SLIT1: variants seen among roughly 807,000 people sequenced by gnomAD.
SLIT1 encodes slit guidance ligand 1, also known as slit homolog 1 protein.
In SLIT1, 66 loss-of-function variants were observed where a neutral mutation model predicts 186.1. The ratio of observed to expected loss-of-function variants is 0.35; its 90% CI spans 0.29 to 0.44. The LOEUF (loss-of-function observed/expected upper bound fraction) is 0.44, where lower values mean the gene tolerates loss of function less well. SLIT1 is among the 20% of genes least tolerant of loss of function. SLIT1 has a pLI of 1.00. For missense variants in SLIT1, 1,638 were observed against 2,037.4 expected (o/e 0.80, Z 3.77); for synonymous variants, 761 against 833.8 (o/e 0.91, Z 1.50).
At position 97,000,171 on chromosome 10, in the gene SLIT1, A is replaced by C. The variant is rs1019006425; in HGVS notation, c.*941T>G. 3 of 152,222 alleles carry C rather than the reference A, an allele frequency of 2.0e-5. No homozygotes were observed. Among genetic ancestry groups the C allele is most frequent in the Non-Finnish European group, 4.4e-5 (3 of 68,126 alleles). 9.4% of individuals were successfully genotyped at this position (152,222 alleles called of 1,614,324 possible). A position where few individuals can be genotyped will look rare whatever the true frequency, so the allele number is the denominator to read the frequency against. On this transcript the variant is annotated 3_prime_UTR_variant, in exon 37 of 37. Coordinates refer to ENST00000266058, the MANE Select transcript of SLIT1 (RefSeq NM_003061.3). ...TGGCCTGCGGTGTGAAGGACTCTGA[A>C]CCAGCTGCTCCCAGGTCAAGCACCC... is the stretch of plus-strand genomic sequence containing the variant.
At chr10:97,087,791 G>T (rs1268916318) in intron 4 of SLIT1, among the ~76,000 whole-genome samples, 1 of 152,054 alleles carries the variant, frequency 6.6e-6, no homozygotes, top group African/African-American at 2.4e-5. Flanking sequence ...CTGGGCGCTG[G>T]GGGGATGGAG....
At chr10:97,107,732 AC>A (rs1259320822) in intron 4 of SLIT1, among the ~76,000 whole-genome samples, 3 of 151,958 alleles carry the variant, frequency 2.0e-5, no homozygotes, top group Admixed American at 1.3e-4. Flanking sequence ...ACCCTGCCCC[AC>A]CCCCACGTGC....
intron 1 of SLIT1, among the ~76,000 whole-genome samples, chr10:97,182,037 A>T (rs1850345497): frequency 6.6e-6 from 1 of 152,180 alleles, no homozygotes; most frequent in African/African-American, 2.4e-5. Context: ...CAAAGAAAGG[A>T]AGCTTCCCGG....
chr10:97,164,833 C>T lies in SLIT1; in HGVS notation c.255G>A (p.Lys85=), dbSNP rs767160243. Residue 85 remains lysine (K), a synonymous_variant, in exon 2 of 37, where the codon AAG becomes AAA. Coordinates refer to ENST00000266058, the MANE Select transcript of SLIT1 (RefSeq NM_003061.3). The part of the protein sequence containing the change: ...RIHKNDFAGL[K]QLRVLQLMEN... ...CCCATACTCACAGCACCCGCAGCTG[C>T]TTGAGCCCCGCAAAGTCATTCTTAT... is the stretch of plus-strand genomic sequence containing the variant. 42 of 1,613,376 alleles carry T rather than the reference C, an allele frequency of 2.6e-5. No homozygotes were observed. The South Asian group carries it at 4.6e-4, about 18-fold the overall frequency.
At chr10:97,037,078 GTGTGTGTGTGTGTGTGTGTGTA>G (rs1848646396) in intron 22 of SLIT1, among the ~76,000 whole-genome samples, 4 of 150,104 alleles carry the variant, frequency 2.7e-5, no homozygotes, top group Admixed American at 6.6e-5. Flanking sequence ...GTGTGTGTGT[GTGTGTGTGTGTGTGTGTGTGTA>G]TGTGTGTGTG....
intron 4 of SLIT1, chr10:97,157,558 G>T: frequency 3.9e-6 from 2 of 516,518 alleles, no homozygotes; most frequent in Non-Finnish European, 6.9e-6. Context: ...GAACACCCTT[G>T]TACCCACACT....
At chr10:97,011,699 T>C (rs978099109) in intron 30 of SLIT1, among the ~76,000 whole-genome samples, 1 of 152,142 alleles carries the variant, frequency 6.6e-6, no homozygotes, top group African/African-American at 2.4e-5. Flanking sequence ...GGCTCCTGTC[T>C]GCCTATCAAA....
intron 1 of SLIT1, among the ~76,000 whole-genome samples, chr10:97,177,705 G>C (rs1429692072): frequency 6.6e-6 from 1 of 152,328 alleles, no homozygotes; most frequent in Non-Finnish European, 1.5e-5. Flanking sequence ...GCCGGGCGCG[G>C]TGGCTCACGC....
chr10:97,182,314 C>T (rs1158958579), intron 1 of SLIT1, among the ~76,000 whole-genome samples: 1 of 152,180 alleles, frequency 6.6e-6, no homozygotes, highest in Non-Finnish European at 1.5e-5. Context: ...CGCAGGCTGC[C>T]GCAGAAACTG....
At chr10:97,147,318 AT>A (rs1183373415) in intron 4 of SLIT1, among the ~76,000 whole-genome samples, 2 of 152,198 alleles carry the variant, frequency 1.3e-5, no homozygotes, top group African/African-American at 4.8e-5. Flanking sequence ...TATATTGGGG[AT>A]GTTGAAAACA....
At chr10:97,098,549 C>T (rs963174921) in intron 4 of SLIT1, among the ~76,000 whole-genome samples, 1 of 152,152 alleles carries the variant, frequency 6.6e-6, no homozygotes, top group Non-Finnish European at 1.5e-5. Context: ...CCTGGTGGTC[C>T]AAGTGGTGTG....
chr10:97,105,883 G>A (rs1039579597), intron 4 of SLIT1, among the ~76,000 whole-genome samples: 7 of 152,220 alleles, frequency 4.6e-5, no homozygotes, highest in Non-Finnish European at 7.3e-5. Flanking sequence ...AATCTGGTCC[G>A]GAGGCCTCCG....
At chr10:97,119,913 G>GTGTGTATATATATATATATATATA (rs1241836707) in intron 4 of SLIT1, among the ~76,000 whole-genome samples, 1 of 56,510 alleles carries the variant, frequency 1.8e-5, no homozygotes, top group Admixed American at 2.7e-4. Flanking sequence ...TTCCAAAGGG[G>GTGTGTATATATATATATATATATA]TATATATATA....
intron 4 of SLIT1, among the ~76,000 whole-genome samples, chr10:97,113,757 G>C (rs554840141): frequency 6.6e-6 from 1 of 150,746 alleles, no homozygotes; most frequent in East Asian, 2.0e-4. Flanking sequence ...TCTCCATGTT[G>C]GTCAGTCAGG....
At position 97,013,724 on chromosome 10, in the gene SLIT1, A is replaced by G; in HGVS notation, c.3203+17T>C. 2 of 1,542,410 alleles carry G rather than the reference A, an allele frequency of 1.3e-6. No individual in the cohort carries two copies. Among genetic ancestry groups the G allele is most frequent in the Non-Finnish European group, 1.8e-6 (2 of 1,138,690 alleles). On this transcript the variant is annotated intron_variant, in intron 30 of 36. Transcript: ENST00000266058. The stretch of plus-strand genomic sequence containing the variant: ...GGCCTGAGCTCCTCCCTGGCCCTGG[A>G]AAGGGGCAACACTCACCTGGGCCCA...
Position 97,185,469 on chromosome 10 carries a change from C to A in SLIT1, c.197+9G>T, listed in dbSNP as rs1385409659. On this transcript the variant is annotated intron_variant, in intron 1 of 36. Coordinates refer to ENST00000266058, the MANE Select transcript of SLIT1 (RefSeq NM_003061.3). ...GAGCCAGGGAGCCAGGGGCGGGGAC[C>A]ATACTCACAGGCGCTCGGTGTTCCG... is the stretch of plus-strand genomic sequence containing the variant. 2 of 1,610,352 alleles carry A rather than the reference C, an allele frequency of 1.2e-6. No homozygotes were observed. Among genetic ancestry groups the A allele is most frequent in the Admixed American group, 1.7e-5 (1 of 59,820 alleles).
intron 4 of SLIT1, among the ~76,000 whole-genome samples, chr10:97,084,597 CTCTTTTCTTTTCTTT>C (rs67508980): frequency 1.4e-5 from 2 of 147,504 alleles, no homozygotes; most frequent in African/African-American, 5.0e-5. Context: ...TTCTTTTCTT[CTCTTTTCTTTTCTTT>C]TCTTTTCTTG....
chr10:97,072,107 G>A (rs752118402), intron 4 of SLIT1, among the ~76,000 whole-genome samples: 2 of 152,288 alleles, frequency 1.3e-5, no homozygotes, highest in South Asian at 4.1e-4. Flanking sequence ...ACAGGCCGGG[G>A]AGAGTGATGG....
chr10:97,013,911 C>A, intron 29 of SLIT1, 77 bp from the exon 30 acceptor site: 1 of 1,549,238 alleles, frequency 6.5e-7, no homozygotes, highest in Non-Finnish European at 8.7e-7. Context: ...CCACAGAAAT[C>A]CTCCTGCAGA....
Sources: gnomAD v4.1 joint callset for allele counts (sites outside exome capture counted in the v4.1 genomes callset) on GRCh38, gnomAD v4.1.1 for gene constraint, MANE v1.5 for transcripts, NCBI Gene and HGNC (gene_info 2026-07-23, HGNC 2026-07-21) for gene names.